Variants in SCARA3 observed in about 807,000 individuals in gnomAD.
The protein encoded by SCARA3 is scavenger receptor class A member 3.
In SCARA3, 39 loss-of-function variants were observed where a neutral mutation model predicts 47.0. That is an observed-to-expected ratio of 0.83 (90% CI 0.64 to 1.08). SCARA3 has a LOEUF of 1.08. SCARA3 is among the 50% of genes least tolerant of loss of function. The pLI, the probability that SCARA3 is intolerant of heterozygous loss-of-function variation, is 0.00. For missense variants in SCARA3, 724 were observed against 792.3 expected (o/e 0.91, Z 1.04); for synonymous variants, 356 against 334.1 (o/e 1.07, Z -0.71).
At chr8:27,699,104 C>T in the SCARA3 span, among the ~76,000 whole-genome samples, 2 of 151,676 alleles carry the variant, frequency 1.3e-5, no homozygotes, top group Non-Finnish European at 2.9e-5. Flanking sequence ...ATTAGCCGGG[C>T]ATGGTGGCGG....
chr8:27,693,172 T>G, the SCARA3 span, among the ~76,000 whole-genome samples: 2 of 151,882 alleles, frequency 1.3e-5, no homozygotes, highest in Middle Eastern at 3.4e-3. Context: ...TATCCACCTA[T>G]GACCTGAAAC....
chr8:27,685,252 T>C, the SCARA3 span, among the ~76,000 whole-genome samples: 1 of 152,148 alleles, frequency 6.6e-6, no homozygotes, highest in Non-Finnish European at 1.5e-5. Flanking sequence ...AAAACTGACT[T>C]AATAAGTAGA....
chr8:27,663,378 G>A (rs1366156272), intron 5 of SCARA3, among the ~76,000 whole-genome samples: 1 of 152,208 alleles, frequency 6.6e-6, no homozygotes, highest in African/African-American at 2.4e-5. Context: ...GTGCAGGCTG[G>A]GAGAGAGAAG....
the SCARA3 span, among the ~76,000 whole-genome samples, chr8:27,687,749 G>A: frequency 2.6e-5 from 4 of 152,170 alleles, no homozygotes; most frequent in Non-Finnish European, 5.9e-5. Context: ...AGGCACGGTG[G>A]CCAATGCCTG....
intron 4 of SCARA3, among the ~76,000 whole-genome samples, chr8:27,657,893 GT>G (rs1801777900): frequency 6.6e-6 from 1 of 151,994 alleles, no homozygotes; most frequent in African/African-American, 2.4e-5. Flanking sequence ...GTGGTCTTTG[GT>G]TTTCTGTTCT....
intron 5 of SCARA3, among the ~76,000 whole-genome samples, chr8:27,665,974 T>C (rs113948178): frequency 7.9e-5 from 12 of 152,214 alleles, no homozygotes; most frequent in African/African-American, 2.9e-4. Context: ...ATGGGCAAGA[T>C]ACAAAGGGAT....
chr8:27,707,829 A>AAT, the SCARA3 span, among the ~76,000 whole-genome samples: 7 of 151,758 alleles, frequency 4.6e-5, no homozygotes, highest in East Asian at 1.4e-3. Flanking sequence ...TCCAAAAAAA[A>AAT]AAAAATAAGA....
the SCARA3 span, among the ~76,000 whole-genome samples, chr8:27,691,742 A>G: frequency 2.0e-5 from 3 of 151,872 alleles, no homozygotes; most frequent in Admixed American, 6.6e-5. Flanking sequence ...CCCTCTCTGC[A>G]CTTCTTCATT....
chr8:27,712,616 T>C, the SCARA3 span, among the ~76,000 whole-genome samples: 2 of 151,846 alleles, frequency 1.3e-5, no homozygotes, highest in East Asian at 3.9e-4. Flanking sequence ...TTGATACCTC[T>C]TCCTTTTTAG....
At chr8:27,656,440 A>T (rs1801745051) in intron 3 of SCARA3, among the ~76,000 whole-genome samples, 1 of 152,218 alleles carries the variant, frequency 6.6e-6, no homozygotes, top group Admixed American at 6.5e-5. Context: ...TGTAGACAAG[A>T]CTAGAAGAAA....
downstream of SCARA3, among the ~76,000 whole-genome samples, chr8:27,679,356 C>G (rs1361068467): frequency 6.6e-6 from 1 of 151,962 alleles, no homozygotes; most frequent in Admixed American, 6.6e-5. Context: ...TTACGACATA[C>G]AAAAGTAAAA....
At chr8:27,714,282 G>A in the SCARA3 span, among the ~76,000 whole-genome samples, 1 of 139,776 alleles carries the variant, frequency 7.2e-6, no homozygotes, top group African/African-American at 2.8e-5. Flanking sequence ...TGCAACCTCC[G>A]CCTCCCTGGT....
the SCARA3 span, among the ~76,000 whole-genome samples, chr8:27,692,289 A>G: frequency 1.3e-5 from 2 of 152,064 alleles, no homozygotes; most frequent in East Asian, 3.9e-4. Context: ...GTGTGGTGGC[A>G]CATGCCTGTA....
rs1284112362 is a variant in SCARA3 at position 27,659,348 on chromosome 8, C to T, written c.1178C>T (p.Ala393Val). The T allele has an allele frequency of 5.0e-6, 8 of 1,614,022 alleles. No individual in the cohort carries two copies. The highest frequency in any genetic ancestry group is 5.1e-6 in the Non-Finnish European group (6 of 1,180,030). Residue 393 changes from alanine (A) to valine (V), a missense_variant, in exon 5 of 6, where the codon GCC becomes GTC. Coordinates refer to ENST00000301904, the MANE Select transcript of SCARA3 (RefSeq NM_016240.3). Reference sequence around the variant, plus strand: ...TGCACGCTGGGCTTCCACACCCATGCCGAGGAGCTCTACTACCTGAACAAG... The same window carrying T: ...TGCACGCTGGGCTTCCACACCCATGTCGAGGAGCTCTACTACCTGAACAAG... ...LSCTLGFHTHAEELYYLNKSV... is the reference protein window; with the variant it reads ...LSCTLGFHTHVEELYYLNKSV...
At chr8:27,651,004 C>G (rs1268333496) in intron 2 of SCARA3, among the ~76,000 whole-genome samples, 2 of 152,212 alleles carry the variant, frequency 1.3e-5, no homozygotes. Flanking sequence ...GGATTACAGG[C>G]ATGAGCTACT....
chr8:27,649,683 G>T lies in SCARA3; in HGVS notation c.8-19G>T, dbSNP rs748169046. On this transcript the variant is annotated intron_variant, in intron 1 of 5. Coordinates refer to ENST00000301904, the MANE Select transcript of SCARA3 (RefSeq NM_016240.3). ...GGCCTGGGATGGCTTTGGGTCTGAC[G>T]GCACTGGCTTCATTATAGTGAGGTC... 3.7e-6 allele frequency: 6 copies of T among 1,612,226 alleles called. No homozygotes were observed. The highest frequency in any genetic ancestry group is 1.1e-5 in the South Asian group (1 of 90,876).
chr8:27,651,571 T>C lies in SCARA3; in HGVS notation c.170T>C (p.Ile57Thr). 6.2e-7 allele frequency: 1 copy of C among 1,614,112 alleles called. No individual in the cohort carries two copies. Among genetic ancestry groups the C allele is most frequent in the Non-Finnish European group, 8.5e-7 (1 of 1,180,018 alleles). ...CTATCTTTGCACACATCGGTGCGGA[T>C]TCTTTACCTCTTCCTGGCCCTGCTC... is the stretch of plus-strand genomic sequence containing the variant. ...KNLSLHTSVR[I>T]LYLFLALLLV... Residue 57 changes from isoleucine to threonine, a missense_variant, in exon 3 of 6, where the codon ATT (isoleucine) becomes ACT (threonine). By Grantham distance (89) the Ile-to-Thr change is moderately conservative (BLOSUM62 -1). Transcript: ENST00000301904.
chr8:27,696,809 T>A, the SCARA3 span, among the ~76,000 whole-genome samples: 1 of 152,182 alleles, frequency 6.6e-6, no homozygotes, highest in East Asian at 1.9e-4. Context: ...TATTTTATGA[T>A]TCTATTTATA....
At chr8:27,659,624 G>A (rs963796019) in intron 5 of SCARA3, 85 bp downstream of exon 5, 13 of 1,193,036 alleles carry the variant, frequency 1.1e-5, no homozygotes, top group Non-Finnish European at 1.5e-5. Flanking sequence ...CCTGGTTTTA[G>A]GCAAAGTACT....
Sources: allele counts gnomAD v4.1 joint callset (sites outside exome capture counted in the v4.1 genomes callset), GRCh38; gene constraint gnomAD v4.1.1; transcripts MANE v1.5; gene names NCBI Gene and HGNC (gene_info 2026-07-23, HGNC 2026-07-21).